The following FUT4 variants were observed in gnomAD, a reference collection of about 807,000 sequenced individuals.
FUT4 encodes the protein fucosyltransferase 4.
In FUT4, 1 loss-of-function variant was observed where a neutral mutation model predicts 3.8. That is an observed-to-expected ratio of 0.26 (90% CI 0.09 to 1.25). FUT4 has a LOEUF of 1.25. FUT4 is among the 50% of genes most tolerant of loss of function. The pLI is 0.47. For synonymous variants in FUT4, 417 were observed against 355.3 expected (o/e 1.17, Z -1.95); for missense variants, 880 against 768.2 (o/e 1.15, Z -1.72).
In FUT4 at chr11:94,549,306, T is replaced by A. The variant is rs1947900676; in HGVS notation, c.*3580T>A. On this transcript the variant is annotated 3_prime_UTR_variant, in exon 1 of 1. Coordinates refer to ENST00000358752, the MANE Select transcript of FUT4 (RefSeq NM_002033.4). Reference sequence around the variant, plus strand: ...GCACCTGGAAAATATTCGCTGTGATTACCATCAGTCCATTTTACCGAGGAA... The same window carrying A: ...GCACCTGGAAAATATTCGCTGTGATAACCATCAGTCCATTTTACCGAGGAA... The A allele has an allele frequency of 6.0e-6, 1 of 167,130 alleles. No homozygotes were observed. The allele number at this position is 167,130 out of a possible 1,614,324, so 10.4% of individuals were successfully genotyped here.
rs546679096 is a variant in FUT4, at chr11:94,546,380, C to T, written c.*654C>T. 2 of 180,624 alleles carry T rather than the reference C, an allele frequency of 1.1e-5. No individual in the cohort carries two copies. The highest frequency in any genetic ancestry group is 5.6e-5 in the Admixed American group (1 of 17,950). 11.2% of individuals were successfully genotyped at this position (180,624 alleles called of 1,614,324 possible). A position where few individuals can be genotyped will look rare whatever the true frequency, so the allele number is the denominator to read the frequency against. ...CCTTGGAGGAAACTTAAGATGAATACATGCGTGTACCTCACTTTACATAAG... is the reference window on the plus strand; with the variant it reads ...CCTTGGAGGAAACTTAAGATGAATATATGCGTGTACCTCACTTTACATAAG... On this transcript the variant is annotated 3_prime_UTR_variant, in exon 1 of 1. Transcript: ENST00000358752.
Position 94,545,400 on chromosome 11 carries a change from A to G in FUT4, c.1267A>G (p.Thr423Ala). The G allele has an allele frequency of 6.2e-7, 1 of 1,612,870 alleles. No homozygotes were observed. The highest frequency in any genetic ancestry group is 8.5e-7 in the Non-Finnish European group (1 of 1,179,808). ...GAACTCGCAGCACCTGGATTATATCACCGAGAAGCTCTGGCGCAACGCGTT... is the reference window on the plus strand; with the variant it reads ...GAACTCGCAGCACCTGGATTATATCGCCGAGAAGCTCTGGCGCAACGCGTT... ...FENSQHLDYITEKLWRNALLA... is the reference protein window; with the variant it reads ...FENSQHLDYIAEKLWRNALLA... Residue 423 changes from threonine to alanine, a missense_variant, in exon 1 of 1, where the codon ACC becomes GCC. Around this residue, in one of 3 missense-constraint regions of FUT4, gnomAD observed 424 missense variants for 400.4 expected, o/e 1.06. Transcript: ENST00000358752.
At position 94,545,667 on chromosome 11, in the gene FUT4, C is replaced by T; in HGVS notation, c.1534C>T (p.Gln512Ter). Residue 512 changes from glutamine to a stop codon, truncating the protein, a stop_gained, in exon 1 of 1, where the codon CAG becomes TAG. Transcript: ENST00000358752. LOFTEE classifies it high-confidence loss of function. ...TTGGTGCCGGGTGTGCCAGGCTGTACAGAGGGCTGGGGACCGGCCCAAGAG... is the reference window on the plus strand; with the variant it reads ...TTGGTGCCGGGTGTGCCAGGCTGTATAGAGGGCTGGGGACCGGCCCAAGAG... ...EPWCRVCQAV[Q>*]RAGDRPKSIR... 1 of 1,612,500 alleles carries T rather than the reference C, an allele frequency of 6.2e-7. No individual in the cohort carries two copies.
rs1233390263 is a variant in FUT4 at position 94,546,304 on chromosome 11, AAGT to A, written c.*580_*582del. On this transcript the variant is annotated 3_prime_UTR_variant, in exon 1 of 1. Coordinates refer to ENST00000358752, the MANE Select transcript of FUT4 (RefSeq NM_002033.4). ...AAGAGGGGCCGCTGACTTCTTTCACAAGTACTATCTGTTCCCCTGTCCTGTGAA... is the reference window on the plus strand; with the variant it reads ...AAGAGGGGCCGCTGACTTCTTTCACAACTATCTGTTCCCCTGTCCTGTGAA... The A allele has an allele frequency of 2.6e-5, 6 of 231,632 alleles. No individual in the cohort carries two copies. The highest frequency in any genetic ancestry group is 4.7e-5 in the Non-Finnish European group (5 of 106,428). The allele number at this position is 231,632 out of a possible 1,614,324, so 14.3% of individuals were successfully genotyped here.
chr11:94,547,243 A>G lies in FUT4; in HGVS notation c.*1517A>G, dbSNP rs1455108743. 1 of 167,024 alleles carries G rather than the reference A, an allele frequency of 6.0e-6. No individual in the cohort carries two copies. Among genetic ancestry groups the G allele is most frequent in the Non-Finnish European group, 1.5e-5 (1 of 68,128 alleles). The allele number at this position is 167,024 out of a possible 1,614,324, so 10.3% of individuals were successfully genotyped here. A position where few individuals can be genotyped will look rare whatever the true frequency, so the allele number is the denominator to read the frequency against. On this transcript the variant is annotated 3_prime_UTR_variant, in exon 1 of 1. Transcript: ENST00000358752. ...TTCCAAAAAGTAAATGGTGACTGAT[A>G]AAACAATTGGCAGAACCTGTTTGAT...
At position 94,545,052 on chromosome 11, in the gene FUT4, C is replaced by A; in HGVS notation, c.919C>A (p.Arg307=). The change falls in exon 1 of 1, where the codon CGA becomes AGA. Residue 307 remains arginine, a synonymous_variant. Transcript: ENST00000358752. ...GTCGCCCTCGCACTCCCCGGGGCTG[C>A]GAAGCCTGGCAAGTAACCTCTTCAA... is the stretch of plus-strand genomic sequence containing the variant. The part of the protein sequence containing the change: ...FESPSHSPGL[R]SLASNLFNWT... 2.5e-6 allele frequency: 4 copies of A among 1,612,160 alleles called. No homozygotes were observed. The highest frequency in any genetic ancestry group is 3.4e-6 in the Non-Finnish European group (4 of 1,179,452).
Position 94,546,113 on chromosome 11 carries a change from A to G in FUT4, c.*387A>G. ...GGCCCGTGCAGCTTCCAAATCTCATACACAACTGTTCCCGATTCACGTTTT... is the reference window on the plus strand; with the variant it reads ...GGCCCGTGCAGCTTCCAAATCTCATGCACAACTGTTCCCGATTCACGTTTT... On this transcript the variant is annotated 3_prime_UTR_variant, in exon 1 of 1. Transcript: ENST00000358752. 2.7e-6 allele frequency: 1 copy of G among 368,840 alleles called. No homozygotes were observed. Among genetic ancestry groups the G allele is most frequent in the African/African-American group, 2.1e-5 (1 of 47,062 alleles). The allele number at this position is 368,840 out of a possible 1,614,324, so 22.8% of individuals were successfully genotyped here.
Position 94,547,066 on chromosome 11 carries a change from A to C in FUT4, c.*1340A>C, listed in dbSNP as rs1470347430. On this transcript the variant is annotated 3_prime_UTR_variant, in exon 1 of 1. Coordinates refer to ENST00000358752, the MANE Select transcript of FUT4 (RefSeq NM_002033.4). The stretch of plus-strand genomic sequence containing the variant: ...GCTATGGAACCAATCTTGAACATAC[A>C]TGCATTGACTTGACAAGTTACTGAG... The C allele has an allele frequency of 6.0e-6, 1 of 167,126 alleles. No homozygotes were observed. Among genetic ancestry groups the C allele is most frequent in the African/African-American group, 2.4e-5 (1 of 41,454 alleles). 10.4% of individuals were successfully genotyped at this position (167,126 alleles called of 1,614,324 possible).
Position 94,544,405 on chromosome 11 carries a change from A to G in FUT4, c.272A>G (p.Glu91Gly), listed in dbSNP as rs1465589102. The G allele has an allele frequency of 2.6e-6, 4 of 1,530,620 alleles. No homozygotes were observed. The highest frequency in any genetic ancestry group is 2.1e-4 in the Middle Eastern group (1 of 4,662). 94.8% of individuals were successfully genotyped at this position (1,530,620 alleles called of 1,614,324 possible). A position where few individuals can be genotyped will look rare whatever the true frequency, so the allele number is the denominator to read the frequency against. Residue 91 changes from glutamate to glycine, a missense_variant, in exon 1 of 1, where the codon GAG becomes GGG. Glu to Gly is a moderately conservative substitution (Grantham distance 98). Coordinates refer to ENST00000358752, the MANE Select transcript of FUT4 (RefSeq NM_002033.4). ...CCCTTCCATTCCCGGGCCAGCGGCG[A>G]GCGGCAGCGACGGCTGGAGCCGCAG... ...TAPFHSRASG[E>G]RQRRLEPQLQ...
In FUT4 at chr11:94,544,932, G is replaced by C; in HGVS notation, c.799G>C (p.Val267Leu). 1 of 1,607,618 alleles carries C rather than the reference G, an allele frequency of 6.2e-7. No individual in the cohort carries two copies. Among genetic ancestry groups the C allele is most frequent in the East Asian group, 2.2e-5 (1 of 44,520 alleles). Residue 267 changes from valine to leucine, a missense_variant, in exon 1 of 1, where the codon GTG (valine) becomes CTG (leucine). Transcript: ENST00000358752. ...CACTGCCGAGGAGGTGGATCTGCGC[G>C]TGTTGGACTACGAGGAGGCAGCGGC... ...AHTAEEVDLRVLDYEEAAAAA... is the reference protein window; with the variant it reads ...AHTAEEVDLRLLDYEEAAAAA...
rs1391940603 is a variant in FUT4, at chr11:94,549,448, A to C, written c.*3722A>C. 1 of 167,038 alleles carries C rather than the reference A, an allele frequency of 6.0e-6. No homozygotes were observed. Among genetic ancestry groups the C allele is most frequent in the African/African-American group, 2.4e-5 (1 of 41,420 alleles). The allele number at this position is 167,038 out of a possible 1,614,324, so 10.3% of individuals were successfully genotyped here. A position where few individuals can be genotyped will look rare whatever the true frequency, so the allele number is the denominator to read the frequency against. ...GAGCCTCTGTCACCTGAACTGCAAA[A>C]TGAGTGGGTTAGACAAAATCATCTG... On this transcript the variant is annotated 3_prime_UTR_variant, in exon 1 of 1. Coordinates refer to ENST00000358752, the MANE Select transcript of FUT4 (RefSeq NM_002033.4).
At position 94,544,693 on chromosome 11, in the gene FUT4, G is replaced by A. The variant is rs1591756359; in HGVS notation, c.560G>A (p.Arg187Gln). 7.1e-6 allele frequency: 11 copies of A among 1,544,770 alleles called. No individual in the cohort carries two copies. Among genetic ancestry groups the A allele is most frequent in the Admixed American group, 2.2e-5 (1 of 46,164 alleles). ...PLPWASPTPS[R>Q]PVGVLLWWEP... ...CCCTGGGCGTCGCCAACCCCGTCGC[G>A]ACCGGTGGGCGTGCTGCTGTGGTGG... Residue 187 changes from arginine (R) to glutamine (Q), a missense_variant, in exon 1 of 1, where the codon CGA becomes CAA. Transcript: ENST00000358752.
Position 94,544,486 on chromosome 11 carries a change from A to T in FUT4, c.353A>T (p.Glu118Val). 1.3e-6 allele frequency: 2 copies of T among 1,483,802 alleles called. No individual in the cohort carries two copies. Among genetic ancestry groups the T allele is most frequent in the South Asian group, 1.3e-5 (1 of 79,082 alleles). 91.9% of individuals were successfully genotyped at this position (1,483,802 alleles called of 1,614,324 possible). A position where few individuals can be genotyped will look rare whatever the true frequency, so the allele number is the denominator to read the frequency against. Residue 118 changes from glutamate to valine, a missense_variant, in exon 1 of 1, where the codon GAG becomes GTG. Physicochemically the swap from Glu to Val is moderately radical, Grantham distance 121. Coordinates refer to ENST00000358752, the MANE Select transcript of FUT4 (RefSeq NM_002033.4). ...ACGCCTGCGGACGCGTGGCGAGCGGAGGCAGCGCTGCCTGTTCGCGCCATG... is the reference window on the plus strand; with the variant it reads ...ACGCCTGCGGACGCGTGGCGAGCGGTGGCAGCGCTGCCTGTTCGCGCCATG... ...SSTPADAWRA[E>V]AALPVRAMGA...
At position 94,544,645 on chromosome 11, in the gene FUT4, G is replaced by T; in HGVS notation, c.512G>T (p.Cys171Phe). 6.6e-7 allele frequency: 1 copy of T among 1,514,298 alleles called. No homozygotes were observed. Among genetic ancestry groups the T allele is most frequent in the Non-Finnish European group, 8.7e-7 (1 of 1,144,890 alleles). 93.8% of individuals were successfully genotyped at this position (1,514,298 alleles called of 1,614,324 possible). The change falls in exon 1 of 1, where the codon TGC (cysteine) becomes TTC (phenylalanine). Residue 171 changes from cysteine (C) to phenylalanine (F), a missense_variant. By Grantham distance (205) the Cys-to-Phe change is radical. Coordinates refer to ENST00000358752, the MANE Select transcript of FUT4 (RefSeq NM_002033.4). ...LTCTALITYACWGQLPPLPWA... is the reference protein window; with the variant it reads ...LTCTALITYAFWGQLPPLPWA... ...TGTACGGCGCTGATCACCTACGCTT[G>T]CTGGGGGCAGCTGCCGCCGCTGCCC...
At position 94,547,272 on chromosome 11, in the gene FUT4, T is replaced by C. The variant is rs532270452; in HGVS notation, c.*1546T>C. On this transcript the variant is annotated 3_prime_UTR_variant, in exon 1 of 1. Transcript: ENST00000358752. ...CAATTGGCAGAACCTGTTTGATTACTGTGACAGTCTTAATGATACCATAAA... is the reference window on the plus strand; with the variant it reads ...CAATTGGCAGAACCTGTTTGATTACCGTGACAGTCTTAATGATACCATAAA... 4.2e-5 allele frequency: 7 copies of C among 167,120 alleles called. 1 individual carries two copies. In the East Asian group the frequency reaches 1.3e-3, roughly 32 times the overall value. 10.4% of individuals were successfully genotyped at this position (167,120 alleles called of 1,614,324 possible).
Position 94,545,518 on chromosome 11 carries a change from T to G in FUT4, c.1385T>G (p.Phe462Cys), listed in dbSNP as rs1443071032. Reference sequence around the variant, plus strand: ...GGCGCCTTCATCCACGTGGACGACTTCCCAAGTGCCTCCTCCCTGGCCTCG... The same window carrying G: ...GGCGCCTTCATCCACGTGGACGACTGCCCAAGTGCCTCCTCCCTGGCCTCG... ...PRGAFIHVDD[F>C]PSASSLASYL... is the part of the protein sequence containing the mutation. Residue 462 changes from phenylalanine (F) to cysteine (C), a missense_variant, in exon 1 of 1, where the codon TTC (phenylalanine) becomes TGC (cysteine). Phe to Cys is a radical substitution (Grantham distance 205). This residue lies in a region of FUT4 where 424 missense variants were observed against 400.4 expected (regional missense o/e 1.06). Coordinates refer to ENST00000358752, the MANE Select transcript of FUT4 (RefSeq NM_002033.4). The G allele has an allele frequency of 7.4e-6, 12 of 1,613,764 alleles. No homozygotes were observed. Among genetic ancestry groups the G allele is most frequent in the Non-Finnish European group, 1.0e-5 (12 of 1,179,990 alleles).
In FUT4 at chr11:94,544,791, T is replaced by C; in HGVS notation, c.658T>C (p.Cys220Arg). Reference sequence around the variant, plus strand: ...CCGGCTGCGCTTCAACATCAGCGGCTGCCGCCTGCTCACCGACCGCGCGTC... The same window carrying C: ...CCGGCTGCGCTTCAACATCAGCGGCCGCCGCCTGCTCACCGACCGCGCGTC... The part of the protein sequence containing the change: ...DCRLRFNISG[C>R]RLLTDRASYG... Residue 220 changes from cysteine (C) to arginine (R), a missense_variant, in exon 1 of 1, where the codon TGC becomes CGC. This residue lies in a region of FUT4 where 447 missense variants were observed against 339.5 expected (regional missense o/e 1.32). Transcript: ENST00000358752. 1.3e-6 allele frequency: 2 copies of C among 1,592,774 alleles called. No individual in the cohort carries two copies. The highest frequency in any genetic ancestry group is 1.7e-6 in the Non-Finnish European group (2 of 1,176,538).
Position 94,544,417 on chromosome 11 carries a change from G to C in FUT4, c.284G>C (p.Arg95Pro). 5 of 1,525,904 alleles carry C rather than the reference G, an allele frequency of 3.3e-6. No homozygotes were observed. Among genetic ancestry groups the C allele is most frequent in the Admixed American group, 3.9e-5 (2 of 51,210 alleles). 94.5% of individuals were successfully genotyped at this position (1,525,904 alleles called of 1,614,324 possible). A position where few individuals can be genotyped will look rare whatever the true frequency, so the allele number is the denominator to read the frequency against. ...CGGGCCAGCGGCGAGCGGCAGCGAC[G>C]GCTGGAGCCGCAGCTACAGCATGAG... ...HSRASGERQR[R>P]LEPQLQHESR... The change falls in exon 1 of 1, where the codon CGG becomes CCG. Residue 95 changes from arginine to proline, a missense_variant. By Grantham distance (103) the Arg-to-Pro change is moderately radical (BLOSUM62 -2). Transcript: ENST00000358752.
chr11:94,545,066 T>A lies in FUT4; in HGVS notation c.933T>A (p.Ser311Arg). ...SHSPGLRSLA[S>R]NLFNWTLSYR... is the part of the protein sequence containing the mutation. ...CCCCGGGGCTGCGAAGCCTGGCAAG[T>A]AACCTCTTCAACTGGACGCTCTCCT... Residue 311 changes from serine (S) to arginine (R), a missense_variant, in exon 1 of 1, where the codon AGT (serine) becomes AGA (arginine). Transcript: ENST00000358752. 6.2e-7 allele frequency: 1 copy of A among 1,612,524 alleles called. No individual in the cohort carries two copies. Among genetic ancestry groups the A allele is most frequent in the Non-Finnish European group, 8.5e-7 (1 of 1,179,694 alleles).
Sources: gnomAD v4.1 joint callset for allele counts on GRCh38, gnomAD v4.1.1 for gene constraint, gnomAD v4.1.1 regional missense constraint, MANE v1.5 for transcripts, NCBI Gene and HGNC (gene_info 2026-07-23, HGNC 2026-07-21) for gene names.